Variants in DPH6 observed in about 807,000 individuals in gnomAD.
DPH6 encodes diphthamine biosynthesis 6.
In DPH6, 33 loss-of-function variants were observed where a neutral mutation model predicts 38.2. The ratio of observed to expected loss-of-function variants is 0.86; its 90% CI spans 0.65 to 1.15. The LOEUF is 1.15. Among genes scored for constraint, DPH6 ranks in the 50% most tolerant of loss-of-function variants. The pLI is 0.00. For synonymous variants in DPH6, 108 were observed against 103.0 expected (o/e 1.05, Z -0.30); for missense variants, 325 against 320.0 (o/e 1.02, Z -0.12).
intron 6 of DPH6, among the ~76,000 whole-genome samples, chr15:35,391,966 A>G (rs952342922): frequency 6.6e-6 from 1 of 152,206 alleles, no homozygotes; most frequent in African/African-American, 2.4e-5. Context: ...AGCTGTTCCT[A>G]TTCAGCCATC....
At chr15:35,188,360 G>A in the DPH6 span, among the ~76,000 whole-genome samples, 1 of 152,078 alleles carries the variant, frequency 6.6e-6, no homozygotes, top group African/African-American at 2.4e-5. Context: ...CACTGTGCAT[G>A]CTCACTTCTC....
At chr15:35,484,002 G>A (rs1054159846) in intron 3 of DPH6, among the ~76,000 whole-genome samples, 16 of 152,186 alleles carry the variant, frequency 1.1e-4, no homozygotes, top group African/African-American at 3.9e-4. Context: ...ATAGAAAGCA[G>A]ATTAGTGGCT....
intron 6 of DPH6, among the ~76,000 whole-genome samples, chr15:35,391,909 G>A (rs886208534): frequency 2.0e-5 from 3 of 152,182 alleles, no homozygotes; most frequent in Non-Finnish European, 4.4e-5. Context: ...TGGAAATGCA[G>A]AAATCACCCG....
the DPH6 span, among the ~76,000 whole-genome samples, chr15:35,173,712 G>A: frequency 2.0e-5 from 3 of 151,794 alleles, no homozygotes; most frequent in Non-Finnish European, 2.9e-5. Context: ...CAGCCATGTC[G>A]AATTAACAGC....
intron 3 of DPH6, among the ~76,000 whole-genome samples, chr15:35,459,270 T>C (rs1211100232): frequency 6.6e-6 from 1 of 152,200 alleles, no homozygotes; most frequent in African/African-American, 2.4e-5. Flanking sequence ...ATGATCGTCA[T>C]CTTGCTGTGT....
At chr15:35,306,695 T>C (rs1344776739) in intron 3 of DPH6, among the ~76,000 whole-genome samples, 1 of 152,244 alleles carries the variant, frequency 6.6e-6, no homozygotes, top group African/African-American at 2.4e-5. Flanking sequence ...ATTGACTTTC[T>C]GGCTTCAAAC....
At chr15:35,495,377 C>T (rs1395208077) in intron 3 of DPH6, among the ~76,000 whole-genome samples, 6 of 152,068 alleles carry the variant, frequency 3.9e-5, no homozygotes, top group Non-Finnish European at 7.4e-5. Flanking sequence ...AGAATGAAAC[C>T]AATCCTACAG....
intron 3 of DPH6, among the ~76,000 whole-genome samples, chr15:35,304,894 G>C (rs1442006355): frequency 1.3e-5 from 2 of 151,694 alleles, no homozygotes; most frequent in African/African-American, 2.4e-5. Flanking sequence ...TATACTTACA[G>C]AGTTTGATAA....
chr15:35,417,742 A>G (rs2053454295), intron 5 of DPH6, among the ~76,000 whole-genome samples: 1 of 152,090 alleles, frequency 6.6e-6, no homozygotes, highest in African/African-American at 2.4e-5. Context: ...CATCTTACAT[A>G]TCCATTCCAT....
At chr15:35,458,638 T>C (rs1375672812) in intron 3 of DPH6, among the ~76,000 whole-genome samples, 1 of 152,176 alleles carries the variant, frequency 6.6e-6, no homozygotes, top group Non-Finnish European at 1.5e-5. Flanking sequence ...GAATGGCTAC[T>C]ACCATAAAAG....
intron 3 of DPH6, among the ~76,000 whole-genome samples, chr15:35,259,556 T>C (rs1595450225): frequency 1.3e-5 from 2 of 152,240 alleles, no homozygotes; most frequent in East Asian, 3.8e-4. Flanking sequence ...CGTTTTTATA[T>C]TTGAAATAGT....
At chr15:35,439,273 C>T (rs2053756038) in intron 5 of DPH6, among the ~76,000 whole-genome samples, 2 of 152,290 alleles carry the variant, frequency 1.3e-5, no homozygotes, top group South Asian at 4.1e-4. Flanking sequence ...CTTTAAAACA[C>T]TGCTGATACT....
chr15:35,343,760 ATC>A (rs760945483), intron 3 of DPH6, among the ~76,000 whole-genome samples: 62 of 152,056 alleles, frequency 4.1e-4, no homozygotes, highest in Non-Finnish European at 7.7e-4. Flanking sequence ...GAGAAAAATA[ATC>A]TCTCATTAAC....
intron 6 of DPH6, among the ~76,000 whole-genome samples, chr15:35,393,416 A>G (rs758969880): frequency 3.3e-5 from 5 of 152,240 alleles, no homozygotes; most frequent in Non-Finnish European, 7.3e-5. Flanking sequence ...GTTTTATATG[A>G]CATGAGAAGA....
chr15:35,432,862 T>C (rs567277832), intron 5 of DPH6, among the ~76,000 whole-genome samples: 1 of 151,894 alleles, frequency 6.6e-6, no homozygotes, highest in Non-Finnish European at 1.5e-5. Context: ...TACTTGAGGG[T>C]GGAGGTTAGG....
At chr15:35,396,380 T>C (rs774306237) in intron 6 of DPH6, 1 of 152,204 alleles carries the variant, frequency 6.6e-6, no homozygotes, top group African/African-American at 2.4e-5. Context: ...TCTTGGGCTT[T>C]AACGCTGAAT....
chr15:35,258,491 C>A (rs2051722376), intron 3 of DPH6, among the ~76,000 whole-genome samples: 1 of 152,152 alleles, frequency 6.6e-6, no homozygotes, highest in African/African-American at 2.4e-5. Flanking sequence ...ATAATCTCAT[C>A]TAAATATTTC....
At chr15:35,381,739 A>G in intron 7 of DPH6, 83 bp downstream of exon 7, 4 of 1,083,382 alleles carry the variant, frequency 3.7e-6, no homozygotes, top group East Asian at 2.4e-5. Flanking sequence ...TTTCCCAACA[A>G]AAGTTGCCTC....
chr15:35,298,741 C>T (rs1343202741), intron 3 of DPH6: 8 of 1,564,328 alleles, frequency 5.1e-6, no homozygotes, highest in Admixed American at 1.7e-5. Context: ...TGTGCGCCAC[C>T]GTGCCCCCCA....
Sources: allele counts gnomAD v4.1 joint callset (sites outside exome capture counted in the v4.1 genomes callset), GRCh38; gene constraint gnomAD v4.1.1; transcripts MANE v1.5; gene names NCBI Gene and HGNC (gene_info 2026-07-23, HGNC 2026-07-21).